Variants in ISOC1 observed in about 807,000 individuals in gnomAD.
The protein encoded by ISOC1 is isochorismatase domain-containing protein 1.
In ISOC1, 33 loss-of-function variants were observed where a neutral mutation model predicts 30.0. The observed-to-expected ratio is 1.10, with a 90% CI of 0.83 to 1.47. The LOEUF is 1.47. ISOC1 is among the 40% of genes most tolerant of loss of function. ISOC1 has a pLI of 0.00. For synonymous variants in ISOC1, 178 were observed against 159.8 expected, an observed-to-expected ratio of 1.11 and a Z score of -0.86; for missense variants, 372 against 388.0, an observed-to-expected ratio of 0.96 and a Z score of 0.35.
Position 129,104,631 on chromosome 5 carries a change from A to G in ISOC1, c.310-325A>G, listed in dbSNP as rs1753613381. On this transcript the variant is annotated intron_variant, in intron 1 of 4. Transcript: ENST00000173527. ...TAACATTATGAGTATTTTTCCATGG[A>G]TGGTATGAATTCTTTGAAGACATAT... Among the ~76,000 whole-genome samples the G allele has an allele frequency of 2.6e-5, 4 of 152,062 alleles. No homozygotes were observed. The South Asian group carries it at 8.3e-4, about 31-fold the overall frequency.
intron 1 of ISOC1, among the ~76,000 whole-genome samples, chr5:129,102,209 C>A (rs1753580786): frequency 6.6e-6 from 1 of 152,176 alleles, no homozygotes; most frequent in African/African-American, 2.4e-5. Flanking sequence ...TCATATTCAA[C>A]AGCATGTGGA....
intron 1 of ISOC1, among the ~76,000 whole-genome samples, chr5:129,102,628 TAATG>T (rs1460506968): frequency 6.6e-6 from 1 of 152,250 alleles, no homozygotes; most frequent in Non-Finnish European, 1.5e-5. Context: ...ACAGTTTTCT[TAATG>T]AGTGTGCTGG....
intron 4 of ISOC1, among the ~76,000 whole-genome samples, chr5:129,111,629 T>C (rs138537147): frequency 2.1e-4 from 32 of 152,326 alleles, no homozygotes; most frequent in South Asian, 8.3e-4. Flanking sequence ...GTCTTTTTTT[T>C]CCCTGGGATT....
chr5:129,104,297 T>G (rs1753607157), intron 1 of ISOC1, among the ~76,000 whole-genome samples: 1 of 152,178 alleles, frequency 6.6e-6, no homozygotes, highest in East Asian at 1.9e-4. Flanking sequence ...CTGGATTTGC[T>G]TCTGTCTGTT....
chr5:129,106,020 G>C (rs374710572), intron 3 of ISOC1, among the ~76,000 whole-genome samples: 142 of 152,238 alleles, frequency 9.3e-4, no homozygotes, highest in East Asian at 4.3e-3. Flanking sequence ...TATAGTAGTA[G>C]GTTTTAACAG....
chr5:129,109,430 T>A (rs752413737), intron 4 of ISOC1, among the ~76,000 whole-genome samples: 4 of 152,256 alleles, frequency 2.6e-5, no homozygotes, highest in Non-Finnish European at 4.4e-5. Flanking sequence ...AGATGTTAGC[T>A]GCTGCTTTTT....
In ISOC1 at chr5:129,094,808, CGGCGCCGGGGGCGCGGG is replaced by C; in HGVS notation, c.50_66del (p.Gly17ValfsTer99). 1 of 1,535,100 alleles carries C rather than the reference CGGCGCCGGGGGCGCGGG, an allele frequency of 6.5e-7. No homozygotes were observed. The highest frequency in any genetic ancestry group is 8.7e-7 in the Non-Finnish European group (1 of 1,145,100). On this transcript the variant is annotated frameshift_variant, in exon 1 of 5. Transcript: ENST00000173527. LOFTEE classifies it high-confidence loss of function. ...CGGCGGTCCTTGCGCTCCCCAACAG[CGGCGCCGGGGGCGCGGG>C]GGCGCCGTCGGGCACAGTCCCGGTG...
At chr5:129,111,994 C>A (rs1340182662) in intron 4 of ISOC1, among the ~76,000 whole-genome samples, 1 of 152,094 alleles carries the variant, frequency 6.6e-6, no homozygotes, top group Non-Finnish European at 1.5e-5. Flanking sequence ...GCTCTTTTAG[C>A]ACCAGTCATT....
rs1046336251 is a variant in ISOC1 at position 129,112,780 on chromosome 5, G to A, written c.751-75G>A. 1.7e-5 allele frequency: 26 copies of A among 1,486,012 alleles called. No individual in the cohort carries two copies. The Admixed American group carries it at 2.4e-4, about 14-fold the overall frequency. The allele number at this position is 1,486,012 out of a possible 1,614,324, so 92.1% of individuals were successfully genotyped here. The stretch of plus-strand genomic sequence containing the variant: ...AGAGGACACTAATTATTGCATCCCA[G>A]CATAGTGTTACTCTTCTGAAATAGT... On this transcript the variant is annotated intron_variant, in intron 4 of 4. Coordinates refer to ENST00000173527, the MANE Select transcript of ISOC1 (RefSeq NM_016048.2).
intron 2 of ISOC1, 51 bp downstream of exon 2, chr5:129,105,126 C>T: frequency 1.9e-6 from 3 of 1,611,616 alleles, no homozygotes; most frequent in Non-Finnish European, 2.5e-6. Context: ...CATATACACT[C>T]ATATATACAC....
intron 3 of ISOC1, among the ~76,000 whole-genome samples, chr5:129,106,284 C>T (rs572712267): frequency 4.5e-4 from 69 of 152,250 alleles, no homozygotes; most frequent in African/African-American, 1.2e-3. Context: ...ATAAAGTTGA[C>T]GTGGCATCAT....
intron 1 of ISOC1, 27 bp from the exon 2 acceptor site, chr5:129,104,929 A>G (rs373464395): frequency 6.2e-6 from 10 of 1,608,262 alleles, no homozygotes; most frequent in Non-Finnish European, 8.5e-6. Flanking sequence ...AACAAGTGCT[A>G]AATCATTCTT....
chr5:129,108,262 A>G (rs1318945100), intron 4 of ISOC1, among the ~76,000 whole-genome samples: 2 of 152,172 alleles, frequency 1.3e-5, no homozygotes, highest in African/African-American at 2.4e-5. Context: ...AGAGGAAAGA[A>G]GGGATGAGTA....
chr5:129,101,192 A>AAAAAATATATATAT (rs1554064627), intron 1 of ISOC1, among the ~76,000 whole-genome samples: 17 of 42,198 alleles, frequency 4.0e-4, no homozygotes, highest in Admixed American at 6.5e-4. Context: ...AAAAAAAAAA[A>AAAAAATATATATAT]ATATATATAT....
At chr5:129,103,553 A>C (rs931570860) in intron 1 of ISOC1, among the ~76,000 whole-genome samples, 3 of 152,224 alleles carry the variant, frequency 2.0e-5, no homozygotes, top group African/African-American at 7.2e-5. Flanking sequence ...GAGGGAGATT[A>C]AAGTGCCAGG....
intron 1 of ISOC1, among the ~76,000 whole-genome samples, chr5:129,103,371 C>T (rs1209061247): frequency 6.6e-6 from 1 of 152,108 alleles, no homozygotes; most frequent in Non-Finnish European, 1.5e-5. Context: ...AAAGAAACAG[C>T]CAAAGCTAGA....
chr5:129,096,956 G>A (rs1193955995), intron 1 of ISOC1, among the ~76,000 whole-genome samples: 1 of 152,138 alleles, frequency 6.6e-6, no homozygotes, highest in Non-Finnish European at 1.5e-5. Flanking sequence ...TTAATGAAAT[G>A]TATGTACCTG....
Position 129,095,366 on chromosome 5 carries a change from T to G in ISOC1, c.309+291T>G, listed in dbSNP as rs1753483265. 2.0e-5 allele frequency among the ~76,000 whole-genome samples: 3 copies of G among 152,246 alleles called. No individual in the cohort carries two copies. In the South Asian group the frequency reaches 6.2e-4, roughly 31 times the overall value. ...CGTGTGTGGTCCTCGGTCGCCCGCA[T>G]CCGCTTTTTATGCCAGGATCAGGTC... On this transcript the variant is annotated intron_variant, in intron 1 of 4. Coordinates refer to ENST00000173527, the MANE Select transcript of ISOC1 (RefSeq NM_016048.2).
chr5:129,101,419 C>T (rs1308455789), intron 1 of ISOC1, among the ~76,000 whole-genome samples: 1 of 151,756 alleles, frequency 6.6e-6, no homozygotes, highest in Non-Finnish European at 1.5e-5. Flanking sequence ...TCGCTTGAAC[C>T]AGAAGGTGGA....
Sources: allele counts gnomAD v4.1 joint callset (sites outside exome capture counted in the v4.1 genomes callset), GRCh38; gene constraint gnomAD v4.1.1; transcripts MANE v1.5; gene names NCBI Gene and HGNC (gene_info 2026-07-23, HGNC 2026-07-21).